NUDT4: variants seen among roughly 807,000 people sequenced by gnomAD.
NUDT4 encodes the protein diphosphoinositol polyphosphate phosphohydrolase 2.
NUDT4 carries 5 observed loss-of-function variants against 23.1 expected under a neutral mutation model. The ratio of observed to expected loss-of-function variants is 0.22; its 90% CI spans 0.11 to 0.46. NUDT4 has a LOEUF of 0.46. Among genes scored for constraint, NUDT4 ranks in the 20% least tolerant of loss-of-function variants. NUDT4 has a pLI of 0.99. For synonymous variants in NUDT4, 50 were observed against 79.0 expected (o/e 0.63, Z 1.95); for missense variants, 96 against 211.6 (o/e 0.45, Z 3.39).
intron 1 of NUDT4, chr12:93,378,672 C>T (rs910730971): frequency 6.0e-6 from 7 of 1,174,708 alleles, no homozygotes; most frequent in East Asian, 3.8e-5. Flanking sequence ...GGCGCCTGGT[C>T]CCCGGGAAGG....
intron 1 of NUDT4, among the ~76,000 whole-genome samples, chr12:93,380,059 A>AT (rs1875548502): frequency 6.6e-6 from 1 of 152,236 alleles, no homozygotes; most frequent in Non-Finnish European, 1.5e-5. Flanking sequence ...GTTGCAGAGC[A>AT]TAAGTACCTT....
chr12:93,390,942 C>T (rs749985140), intron 1 of NUDT4, among the ~76,000 whole-genome samples: 4 of 152,102 alleles, frequency 2.6e-5, no homozygotes, highest in Non-Finnish European at 5.9e-5. Context: ...TAGATACTCT[C>T]TTTTAACTCA....
intron 1 of NUDT4, chr12:93,378,684 C>T (rs1037869216): frequency 1.7e-6 from 2 of 1,165,264 alleles, no homozygotes; most frequent in African/African-American, 1.6e-5. Context: ...CCGGGAAGGT[C>T]CCGGGCCGCG....
rs1159114376 is a variant in NUDT4, at chr12:93,404,353, A to G, written c.*4974A>G. ...ATCCATATGGTGTAATATTACAGTC[A>G]TTAGAAATGACATTTGCGTAAGGAT... On this transcript the variant is annotated 3_prime_UTR_variant, in exon 5 of 5. Coordinates refer to ENST00000415493, the MANE Select transcript of NUDT4 (RefSeq NM_019094.6). 6.6e-6 allele frequency: 1 copy of G among 152,230 alleles called. No homozygotes were observed. The highest frequency in any genetic ancestry group is 1.9e-4 in the East Asian group (1 of 5,204). The allele number at this position is 152,230 out of a possible 1,614,324, so 9.4% of individuals were successfully genotyped here.
chr12:93,382,200 G>A (rs1293929870), intron 1 of NUDT4, among the ~76,000 whole-genome samples: 1 of 151,022 alleles, frequency 6.6e-6, no homozygotes, highest in East Asian at 1.9e-4. Flanking sequence ...GGAGGTGGAG[G>A]CTGCAGTGAG....
intron 1 of NUDT4, among the ~76,000 whole-genome samples, chr12:93,383,076 T>G (rs1875804521): frequency 6.7e-6 from 1 of 148,176 alleles, no homozygotes; most frequent in Admixed American, 6.7e-5. Context: ...TGCATTGGAT[T>G]TTTTTTTTTT....
In NUDT4 at chr12:93,402,885, C is replaced by G. The variant is rs1321585617; in HGVS notation, c.*3506C>G. On this transcript the variant is annotated 3_prime_UTR_variant, in exon 5 of 5. Coordinates refer to ENST00000415493, the MANE Select transcript of NUDT4 (RefSeq NM_019094.6). ...TACATTTCCTAAAACATACTGCTGC[C>G]AAAGACCAACTGTAGAATCCTTAAG... is the stretch of plus-strand genomic sequence containing the variant. 1 of 152,164 alleles carries G rather than the reference C, an allele frequency of 6.6e-6. No homozygotes were observed. Among genetic ancestry groups the G allele is most frequent in the Non-Finnish European group, 1.5e-5 (1 of 68,034 alleles). The allele number at this position is 152,164 out of a possible 1,614,324, so 9.4% of individuals were successfully genotyped here.
intron 1 of NUDT4, among the ~76,000 whole-genome samples, chr12:93,382,671 AG>A (rs1044761570): frequency 8.9e-6 from 1 of 112,986 alleles, no homozygotes; most frequent in African/African-American, 3.2e-5. Flanking sequence ...ATCCAAAGGT[AG>A]CCTTTTTTTT....
At chr12:93,378,726 A>C in intron 1 of NUDT4, 3 of 1,082,752 alleles carry the variant, frequency 2.8e-6, no homozygotes, top group East Asian at 5.8e-5. Flanking sequence ...CACCATCTTA[A>C]CGTGCGAATT....
intron 3 of NUDT4, among the ~76,000 whole-genome samples, chr12:93,397,633 C>G (rs1244942086): frequency 6.6e-6 from 1 of 152,082 alleles, no homozygotes; most frequent in African/African-American, 2.4e-5. Context: ...CTCAAGCGAT[C>G]CTTCACTTCA....
chr12:93,394,376 A>G (rs2120944627), intron 1 of NUDT4, among the ~76,000 whole-genome samples: 1 of 152,350 alleles, frequency 6.6e-6, no homozygotes, highest in East Asian at 1.9e-4. Context: ...TTCATTAGAT[A>G]AGGTGATTTG....
rs1359442690 is a variant in NUDT4, at chr12:93,392,684, T to C, written c.100-1925T>C. Among the ~76,000 whole-genome samples the C allele has an allele frequency of 2.5e-3, 250 of 101,560 alleles. 2 individuals are homozygous for C. Among genetic ancestry groups the C allele is most frequent in the Non-Finnish European group, 3.0e-3 (149 of 50,344 alleles). The allele number at this position is 101,560 out of a possible 152,430, so 66.6% of individuals were successfully genotyped here. A position where few individuals can be genotyped will look rare whatever the true frequency, so the allele number is the denominator to read the frequency against. ...TTTCAGTCTTTTTTTTTTTTTTTTT[T>C]CCCCCGAGATGGAGTCTTGCTCTGT... On this transcript the variant is annotated intron_variant, in intron 1 of 4. Coordinates refer to ENST00000415493, the MANE Select transcript of NUDT4 (RefSeq NM_019094.6).
chr12:93,398,833 T>C lies in NUDT4; in HGVS notation c.318T>C (p.Asp106=). The change falls in exon 4 of 5, where the codon GAT becomes GAC. Residue 106 remains aspartate (D), a synonymous_variant. Coordinates refer to ENST00000415493, the MANE Select transcript of NUDT4 (RefSeq NM_019094.6). ...YVLTVTEILE[D]WEDSVNIGRK... is the part of the protein sequence containing the mutation. ...TAACAGTCACTGAAATATTAGAAGA[T>C]TGGGAAGATTCTGTTAATATTGGTA... The C allele has an allele frequency of 4.4e-6, 7 of 1,589,896 alleles. No individual in the cohort carries two copies. Among genetic ancestry groups the C allele is most frequent in the Non-Finnish European group, 6.0e-6 (7 of 1,159,316 alleles).
rs1877595170 is a variant in NUDT4, at chr12:93,403,162, T to C, written c.*3783T>C. 1 of 152,096 alleles carries C rather than the reference T, an allele frequency of 6.6e-6. No individual in the cohort carries two copies. Among genetic ancestry groups the C allele is most frequent in the Non-Finnish European group, 1.5e-5 (1 of 68,032 alleles). The allele number at this position is 152,096 out of a possible 1,614,324, so 9.4% of individuals were successfully genotyped here. On this transcript the variant is annotated 3_prime_UTR_variant, in exon 5 of 5. Coordinates refer to ENST00000415493, the MANE Select transcript of NUDT4 (RefSeq NM_019094.6). ...AGGATGATTGGCATGAGCCACCTCG[T>C]CTGGCCTGCAGGTCTTTTTAAGCAT...
intron 3 of NUDT4, among the ~76,000 whole-genome samples, chr12:93,395,773 T>G (rs1876888095): frequency 6.6e-6 from 1 of 152,060 alleles, no homozygotes; most frequent in Non-Finnish European, 1.5e-5. Context: ...CAGGCTGGAG[T>G]TCAGTGGTGC....
intron 1 of NUDT4, among the ~76,000 whole-genome samples, chr12:93,385,939 TTTTATATATATATATA>T (rs1565777267): frequency 2.0e-4 from 11 of 55,168 alleles, no homozygotes; most frequent in East Asian, 1.8e-3. Flanking sequence ...TAGTAAATCT[TTTTATATATATATATA>T]TATATATATA....
intron 1 of NUDT4, among the ~76,000 whole-genome samples, chr12:93,390,643 C>T (rs953981302): frequency 1.3e-5 from 2 of 152,034 alleles, no homozygotes; most frequent in African/African-American, 2.4e-5. Context: ...CTCATTCTGT[C>T]GCCCAGGCTG....
At chr12:93,397,857 C>T (rs573802727) in intron 3 of NUDT4, among the ~76,000 whole-genome samples, 1 of 152,194 alleles carries the variant, frequency 6.6e-6, no homozygotes, top group South Asian at 2.1e-4. Flanking sequence ...CTTGATAGGC[C>T]TGCAGGAGGA....
chr12:93,382,844 G>A (rs908676444), intron 1 of NUDT4, among the ~76,000 whole-genome samples: 1 of 152,024 alleles, frequency 6.6e-6, no homozygotes, highest in Admixed American at 6.6e-5. Context: ...TGTATTTTTA[G>A]TAGAGAAGGG....
Sources: allele counts gnomAD v4.1 joint callset (sites outside exome capture counted in the v4.1 genomes callset), GRCh38; gene constraint gnomAD v4.1.1; transcripts MANE v1.5; gene names NCBI Gene and HGNC (gene_info 2026-07-23, HGNC 2026-07-21).